The following KATNAL2 variants were observed in gnomAD, a reference collection of about 807,000 sequenced individuals.
The protein encoded by KATNAL2 is katanin p60 ATPase-containing subunit A-like 2.
A neutral mutation model predicts 76.3 loss-of-function variants in KATNAL2; 52 were observed. The ratio of observed to expected loss-of-function variants is 0.68; its 90% CI spans 0.55 to 0.86. The LOEUF is 0.86. Ranked by LOEUF, KATNAL2 falls within the 40% of genes least tolerant of loss-of-function variation. KATNAL2 has a pLI of 0.00. For synonymous variants in KATNAL2, 243 were observed against 244.2 expected, an observed-to-expected ratio of 1.00 and a Z score of 0.05; for missense variants, 660 against 668.9, an observed-to-expected ratio of 0.99 and a Z score of 0.15.
At chr18:47,098,858 A>G in intron 15 of KATNAL2, 1 of 176,886 alleles carries the variant, frequency 5.7e-6, no homozygotes, top group South Asian at 1.3e-4. Context: ...TGAATAATTC[A>G]TGTTACAACT....
intron 15 of KATNAL2, among the ~76,000 whole-genome samples, chr18:47,085,364 T>G (rs1599832122): frequency 6.6e-6 from 1 of 151,860 alleles, no homozygotes; most frequent in African/African-American, 2.4e-5. Flanking sequence ...CCAAGCTAAC[T>G]TTGGGAGACA....
intron 3 of KATNAL2, among the ~76,000 whole-genome samples, chr18:47,036,068 G>A (rs2060762271): frequency 6.6e-6 from 1 of 152,192 alleles, no homozygotes; most frequent in Non-Finnish European, 1.5e-5. Flanking sequence ...AAGCCCTGAT[G>A]TTTCTGGGAA....
At chr18:46,926,290 T>G (rs2058727859) in intron 1 of KATNAL2, among the ~76,000 whole-genome samples, 1 of 152,146 alleles carries the variant, frequency 6.6e-6, no homozygotes. Flanking sequence ...TTGTGTGTTT[T>G]TTCTCGTTGG....
chr18:47,047,595 T>C (rs553989673), intron 4 of KATNAL2, among the ~76,000 whole-genome samples: 1 of 152,226 alleles, frequency 6.6e-6, no homozygotes, highest in South Asian at 2.1e-4. Flanking sequence ...CTGTGCTGGA[T>C]GATATAAGAG....
At chr18:46,957,379 C>G (rs1466528604) in intron 3 of KATNAL2, among the ~76,000 whole-genome samples, 4 of 150,702 alleles carry the variant, frequency 2.7e-5, no homozygotes, top group Admixed American at 1.3e-4. Context: ...CTCAGCCTCC[C>G]GAGTAGCTGG....
intron 13 of KATNAL2, 84 bp from the exon 14 acceptor site, chr18:47,075,193 A>T (rs1242375505): frequency 9.9e-7 from 1 of 1,014,766 alleles, no homozygotes; most frequent in Non-Finnish European, 1.4e-6. Context: ...TTATTATTAC[A>T]GTCATTCTAA....
intron 1 of KATNAL2, among the ~76,000 whole-genome samples, chr18:46,920,847 GAGA>G (rs1334921200): frequency 1.3e-5 from 2 of 152,110 alleles, no homozygotes; most frequent in Non-Finnish European, 2.9e-5. Context: ...AAGGGGAGTG[GAGA>G]AGGAGGGAGG....
In KATNAL2 at chr18:47,054,394, A is replaced by G. The variant is rs984296366; in HGVS notation, c.290-2A>G. ...TCCCTCCCAATGTCTGTTTTGTCAC[A>G]GCAGAAAATAATTTACCGCAAAGAA... On this transcript the variant is annotated splice_acceptor_variant, in intron 5 of 17. Coordinates refer to ENST00000683218, the MANE Select transcript of KATNAL2 (RefSeq NM_001387690.1). LOFTEE classifies it high-confidence loss of function. 11 of 1,612,376 alleles carry G rather than the reference A, an allele frequency of 6.8e-6. No individual in the cohort carries two copies. Among genetic ancestry groups the G allele is most frequent in the Middle Eastern group, 1.7e-4 (1 of 6,052 alleles).
chr18:46,925,233 CTTA>C (rs566157292), intron 1 of KATNAL2, among the ~76,000 whole-genome samples: 1 of 152,068 alleles, frequency 6.6e-6, no homozygotes, highest in Admixed American at 6.6e-5. Context: ...ATAGATAGCT[CTTA>C]TTATTTTGAG....
chr18:46,956,907 G>A (rs554547638), intron 3 of KATNAL2, among the ~76,000 whole-genome samples: 3 of 152,002 alleles, frequency 2.0e-5, no homozygotes. Context: ...GCCAGGCGTG[G>A]TGGCATGCAC....
intron 15 of KATNAL2, among the ~76,000 whole-genome samples, chr18:47,097,658 A>G (rs1394977835): frequency 6.6e-6 from 1 of 152,222 alleles, no homozygotes; most frequent in Non-Finnish European, 1.5e-5. Flanking sequence ...AGAACCATAC[A>G]TGATGCATAT....
rs775013384 is a variant in KATNAL2, at chr18:47,052,925, G to A, written c.168G>A (p.Gly56=). 7 of 1,612,208 alleles carry A rather than the reference G, an allele frequency of 4.3e-6. No homozygotes were observed. Among genetic ancestry groups the A allele is most frequent in the Non-Finnish European group, 5.9e-6 (7 of 1,179,314 alleles). The part of the protein sequence containing the change: ...ANALEQETKL[G]LRRFEVCDNI... ...CTTTGGAGCAAGAAACTAAACTGGG[G>A]TTACGACGGTTTGAAGTTTGTGACA... The change falls in exon 5 of 18, where the codon GGG becomes GGA. Residue 56 remains glycine, a synonymous_variant. Transcript: ENST00000683218.
At chr18:47,068,941 G>A (rs754378404) in intron 11 of KATNAL2, among the ~76,000 whole-genome samples, 2 of 152,142 alleles carry the variant, frequency 1.3e-5, no homozygotes, top group Non-Finnish European at 2.9e-5. Context: ...ACTGTTTAAC[G>A]GAGAGGAAGA....
chr18:47,085,724 T>C (rs2062740848), intron 15 of KATNAL2, among the ~76,000 whole-genome samples: 2 of 152,158 alleles, frequency 1.3e-5, no homozygotes, highest in African/African-American at 4.8e-5. Context: ...ATTTGAGTAA[T>C]GACTCCATTT....
intron 5 of KATNAL2, 41 bp downstream of exon 5, chr18:47,053,087 G>A: frequency 6.8e-7 from 1 of 1,464,648 alleles, no homozygotes; most frequent in East Asian, 2.3e-5. Flanking sequence ...TGTCTCATCT[G>A]TAAGATTAGT....
chr18:47,040,844 A>T (rs1381853676), intron 3 of KATNAL2, among the ~76,000 whole-genome samples: 2 of 152,198 alleles, frequency 1.3e-5, no homozygotes, highest in East Asian at 1.9e-4. Flanking sequence ...GCATTGTACC[A>T]GTTTTCTACC....
At chr18:46,945,493 G>A (rs1170045928) in intron 1 of KATNAL2, among the ~76,000 whole-genome samples, 2 of 152,180 alleles carry the variant, frequency 1.3e-5, no homozygotes, top group Non-Finnish European at 2.9e-5. Flanking sequence ...TAAGCAGTTC[G>A]CTTGTGTTAG....
At chr18:47,031,361 C>T (rs1184412304) in intron 3 of KATNAL2, among the ~76,000 whole-genome samples, 5 of 151,820 alleles carry the variant, frequency 3.3e-5, no homozygotes, top group African/African-American at 1.2e-4. Context: ...TTTCTGCTGT[C>T]GTTGGCAGTT....
In KATNAL2 at chr18:47,067,100, C is replaced by G; in HGVS notation, c.806C>G (p.Ala269Gly). The G allele has an allele frequency of 6.3e-7, 1 of 1,575,580 alleles. No individual in the cohort carries two copies. The highest frequency in any genetic ancestry group is 8.7e-7 in the Non-Finnish European group (1 of 1,153,064). Residue 269 changes from alanine to glycine, a missense_variant, in exon 11 of 18, where the codon GCT becomes GGT. Transcript: ENST00000683218. The part of the protein sequence containing the change: ...LDAAKQLVKE[A>G]VVYPIRYPQL... ...GCAGCCAAGCAGTTAGTCAAAGAAG[C>G]TGTTGTGTATCCTATAAGGGTAAGG... is the stretch of plus-strand genomic sequence containing the variant.
Sources: allele counts gnomAD v4.1 joint callset (sites outside exome capture counted in the v4.1 genomes callset), GRCh38; gene constraint gnomAD v4.1.1; transcripts MANE v1.5; gene names NCBI Gene and HGNC (gene_info 2026-07-23, HGNC 2026-07-21).